The following ELMO1 variants were observed in gnomAD, a reference collection of about 807,000 sequenced individuals.
ELMO1 encodes engulfment and cell motility 1.
A neutral mutation model predicts 98.9 loss-of-function variants in ELMO1; 26 were observed. That is an observed-to-expected ratio of 0.26 (90% CI 0.19 to 0.36). ELMO1 has a LOEUF of 0.36. Ranked by LOEUF, ELMO1 falls within the 10% of genes least tolerant of loss-of-function variation. The pLI, the probability that ELMO1 is intolerant of heterozygous loss-of-function variation, is 1.00. For missense variants in ELMO1, 627 were observed against 935.2 expected, an observed-to-expected ratio of 0.67 and a Z score of 4.30; for synonymous variants, 346 against 346.0, an observed-to-expected ratio of 1.00 and a Z score of 0.00.
intron 1 of ELMO1, among the ~76,000 whole-genome samples, chr7:37,370,457 A>G (rs1259895299): frequency 6.6e-6 from 1 of 152,128 alleles, no homozygotes; most frequent in East Asian, 1.9e-4. Context: ...ATTTTGTTAT[A>G]AAGGTGTGGG....
At chr7:37,029,451 T>C (rs1330082557) in intron 15 of ELMO1, among the ~76,000 whole-genome samples, 1 of 151,296 alleles carries the variant, frequency 6.6e-6, no homozygotes, top group Non-Finnish European at 1.5e-5. Flanking sequence ...ATGTAAGTAC[T>C]GGATTTCTTT....
At chr7:37,131,108 T>G (rs950921814) in intron 14 of ELMO1, among the ~76,000 whole-genome samples, 3 of 152,044 alleles carry the variant, frequency 2.0e-5, no homozygotes, top group African/African-American at 7.2e-5. Flanking sequence ...AAAATTTCCT[T>G]GCAGAGATCT....
Position 37,361,405 on chromosome 7 carries a change from G to T in ELMO1, c.-73-18642C>A, listed in dbSNP as rs1047287466. Among the ~76,000 whole-genome samples, 8 of 152,162 alleles carry T rather than the reference G, an allele frequency of 5.3e-5. No homozygotes were observed. In the East Asian group the frequency reaches 1.5e-3, roughly 29 times the overall value. On this transcript the variant is annotated intron_variant, in intron 1 of 21. Transcript: ENST00000310758. ...CACTCTAGCTTATGGGCCAAATCCG[G>T]CCCTCTCCCTATTTTTGTAGTCAAA...
intron 1 of ELMO1, among the ~76,000 whole-genome samples, chr7:37,343,487 CTTTTTT>C (rs10571805): frequency 1.1e-5 from 1 of 92,814 alleles, no homozygotes; most frequent in Non-Finnish European, 2.0e-5. Flanking sequence ...TAGCCCATTT[CTTTTTT>C]TTTTTTTTTT....
At chr7:36,944,165 A>G (rs988671701) in intron 16 of ELMO1, among the ~76,000 whole-genome samples, 1 of 152,194 alleles carries the variant, frequency 6.6e-6, no homozygotes, top group Admixed American at 6.5e-5. Context: ...TATTTTAAAC[A>G]TAAGGACATG....
chr7:37,436,586 A>G (rs1039293617), intron 1 of ELMO1, among the ~76,000 whole-genome samples: 1 of 152,198 alleles, frequency 6.6e-6, no homozygotes, highest in African/African-American at 2.4e-5. Context: ...TCTCTTTTCA[A>G]CCCACTCCTT....
chr7:37,117,412 G>T (rs2129283554), intron 14 of ELMO1, among the ~76,000 whole-genome samples: 1 of 152,282 alleles, frequency 6.6e-6, no homozygotes, highest in East Asian at 1.9e-4. Context: ...CACTGCTACA[G>T]TCAGCTAATA....
At chr7:37,316,015 TA>T (rs983248488) in intron 2 of ELMO1, 55 bp from the exon 3 acceptor site, 75 of 1,320,562 alleles carry the variant, frequency 5.7e-5, no homozygotes, top group East Asian at 2.1e-4. Flanking sequence ...CATTTTAAAT[TA>T]AAAAAAAGAA....
At position 37,441,669 on chromosome 7, in the gene ELMO1, G is replaced by A. The variant is rs1480733904; in HGVS notation, c.-74+7006C>T. On this transcript the variant is annotated intron_variant, in intron 1 of 21. Transcript: ENST00000310758. ...TTATTGCCATTATGTAAAGGTTACA[G>A]TTAAGGCAGTAACCAGTGGTCAGAA... is the stretch of plus-strand genomic sequence containing the variant. 3.3e-5 allele frequency among the ~76,000 whole-genome samples: 5 copies of A among 152,218 alleles called. No homozygotes were observed. In the East Asian group the frequency reaches 9.6e-4, roughly 29 times the overall value.
intron 2 of ELMO1, among the ~76,000 whole-genome samples, chr7:37,336,573 T>C (rs1469228718): frequency 1.3e-5 from 2 of 151,914 alleles, no homozygotes; most frequent in African/African-American, 4.8e-5. Flanking sequence ...TTGGAACTGA[T>C]CTAGAAAGAA....
At position 37,349,260 on chromosome 7, in the gene ELMO1, G is replaced by C. The variant is rs555203594; in HGVS notation, c.-73-6497C>G. 5.9e-5 allele frequency among the ~76,000 whole-genome samples: 9 copies of C among 152,336 alleles called. No individual in the cohort carries two copies. In the South Asian group the frequency reaches 1.9e-3, roughly 32 times the overall value. On this transcript the variant is annotated intron_variant, in intron 1 of 21. Transcript: ENST00000310758. ...ATAATGGGTTTATAATGATGATGGGGATAGTGGAAAGGGAGCTGTTCATCT... is the reference window on the plus strand; with the variant it reads ...ATAATGGGTTTATAATGATGATGGGCATAGTGGAAAGGGAGCTGTTCATCT...
intron 18 of ELMO1, among the ~76,000 whole-genome samples, chr7:36,887,165 A>C (rs1805082339): frequency 3.3e-5 from 5 of 152,190 alleles, no homozygotes. Flanking sequence ...GTTACTTCTT[A>C]GGGTTATGGT....
intron 16 of ELMO1, among the ~76,000 whole-genome samples, chr7:36,899,479 A>ACATGCTT (rs1262592234): frequency 1.3e-5 from 2 of 152,146 alleles, no homozygotes; most frequent in East Asian, 3.9e-4. Context: ...GGTAGGAAGT[A>ACATGCTT]CATGCTTCAA....
intron 1 of ELMO1, among the ~76,000 whole-genome samples, chr7:37,428,670 G>A (rs555859388): frequency 1.6e-4 from 25 of 152,344 alleles, no homozygotes; most frequent in African/African-American, 5.3e-4. Flanking sequence ...CCCAACAGAT[G>A]AAAGAAGAGC....
intron 13 of ELMO1, among the ~76,000 whole-genome samples, chr7:37,139,514 G>C (rs1320267433): frequency 6.6e-6 from 1 of 151,892 alleles, no homozygotes; most frequent in Admixed American, 6.5e-5. Flanking sequence ...AACCAGGGAG[G>C]TGAAAGACCT....
intron 20 of ELMO1, among the ~76,000 whole-genome samples, chr7:36,869,763 G>A (rs1156599319): frequency 6.6e-6 from 1 of 152,214 alleles, no homozygotes; most frequent in Non-Finnish European, 1.5e-5. Context: ...AATGATAATG[G>A]AATGGTTGGT....
intron 16 of ELMO1, among the ~76,000 whole-genome samples, chr7:36,972,093 G>A (rs546198364): frequency 2.0e-5 from 3 of 152,170 alleles, no homozygotes; most frequent in Admixed American, 6.5e-5. Context: ...ATTATGTGCC[G>A]AGCACCAAGA....
In ELMO1 at chr7:36,855,068, G is replaced by A. The variant is rs998495107; in HGVS notation, c.*483C>T. The A allele has an allele frequency of 2.9e-5, 5 of 173,762 alleles. No homozygotes were observed. Among genetic ancestry groups the A allele is most frequent in the Admixed American group, 2.2e-4 (4 of 18,402 alleles). The allele number at this position is 173,762 out of a possible 1,614,324, so 10.8% of individuals were successfully genotyped here. Reference sequence around the variant, plus strand: ...TTAATTCAAGTGTAACTGGTGGTGCGAGATGATTCTAGAGAGAGGGGAAAG... The same window carrying A: ...TTAATTCAAGTGTAACTGGTGGTGCAAGATGATTCTAGAGAGAGGGGAAAG... On this transcript the variant is annotated 3_prime_UTR_variant, in exon 22 of 22. Transcript: ENST00000310758. This position sits in a 1 kb window ranked among gnomAD's most constrained non-coding sequence, Gnocchi z 4.2.
intron 1 of ELMO1, among the ~76,000 whole-genome samples, chr7:37,356,187 TTATC>T (rs1411617284): frequency 2.6e-5 from 4 of 152,188 alleles, no homozygotes; most frequent in South Asian, 2.1e-4. Context: ...CACATTTTCT[TTATC>T]TAGTCTATCA....
Sources: gnomAD v4.1 joint callset for allele counts (sites outside exome capture counted in the v4.1 genomes callset) on GRCh38, gnomAD v4.1.1 for gene constraint, Gnocchi (gnomAD v3.1) non-coding constraint, MANE v1.5 for transcripts, NCBI Gene and HGNC (gene_info 2026-07-23, HGNC 2026-07-21) for gene names.